Variants in HEPH observed in about 807,000 individuals in gnomAD.
HEPH encodes the protein hephaestin.
HEPH carries 69 observed loss-of-function variants against 80.8 expected under a neutral mutation model. The ratio of observed to expected loss-of-function variants is 0.85; its 90% CI spans 0.70 to 1.04. HEPH has a LOEUF of 1.04. Ranked by LOEUF, HEPH falls within the 50% of genes least tolerant of loss-of-function variation. The pLI is 0.00. For synonymous variants in HEPH, 431 were observed against 322.8 expected (o/e 1.34, Z -3.60); for missense variants, 1,115 against 891.3 (o/e 1.25, Z -3.20).
intron 4 of HEPH, among the ~76,000 whole-genome samples, chrX:66,174,300 A>T (rs2086715054): frequency 9.0e-6 from 1 of 111,633 alleles, no homozygotes; most frequent in African/African-American, 3.3e-5. Context: ...TTAGAATAAT[A>T]GTCTCCAATC....
intron 13 of HEPH, among the ~76,000 whole-genome samples, chrX:66,204,743 GTTAT>G (rs1361211937): frequency 8.9e-6 from 1 of 111,930 alleles, no homozygotes; most frequent in East Asian, 2.8e-4. Flanking sequence ...GTAGAAATCA[GTTAT>G]TTATTTAGTT....
rs2091127733 is a variant in HEPH, at chrX:66,254,983, T to TGA, written c.2564-47_2564-46dup. 7.1e-6 allele frequency: 6 copies of TGA among 847,376 alleles called. No homozygotes were observed. In the Admixed American group the frequency reaches 1.4e-4, roughly 20 times the overall value. The allele number at this position is 847,376 out of a possible 1,213,427, so 69.8% of individuals were successfully genotyped here. ...CTGCCTCTTGGGGAGACCTGGGAGT[T>TGA]GAGAGAAATTTCTGACCCGGTGCAA... On this transcript the variant is annotated intron_variant, in intron 15 of 20. Transcript: ENST00000343002.
intron 20 of HEPH, among the ~76,000 whole-genome samples, chrX:66,264,985 G>A (rs1269230618): frequency 9.2e-6 from 1 of 108,641 alleles, no homozygotes; most frequent in Non-Finnish European, 1.9e-5. Flanking sequence ...TTCTACAATG[G>A]GGAAAAAAGC....
At chrX:66,169,923 T>A (rs1002870417) in intron 1 of HEPH, 1 of 112,091 alleles carries the variant, frequency 8.9e-6, no homozygotes, top group Non-Finnish European at 1.9e-5. Flanking sequence ...TCTATTTTTT[T>A]AAACATTACA....
chrX:66,187,478 T>C (rs1022882852), intron 4 of HEPH, among the ~76,000 whole-genome samples: 3 of 111,586 alleles, frequency 2.7e-5, no homozygotes, highest in Non-Finnish European at 5.6e-5. Flanking sequence ...TTTATGGATG[T>C]GGCTTCCTGT....
chrX:66,169,114 C>A lies in HEPH; in HGVS notation c.-13-1444C>A, dbSNP rs140002391. On this transcript the variant is annotated intron_variant, in intron 1 of 20. Coordinates refer to ENST00000343002, the MANE Select transcript of HEPH (RefSeq NM_001367233.3). Reference sequence around the variant, plus strand: ...CTCTACCGATTTTTATCTAGATGGCCTTGGGCAAACTGCTTTACACCTCTC... The same window carrying A: ...CTCTACCGATTTTTATCTAGATGGCATTGGGCAAACTGCTTTACACCTCTC... Among the ~76,000 whole-genome samples, 22 of 111,206 alleles carry A rather than the reference C, an allele frequency of 2.0e-4. 1 individual carries two copies. The East Asian group carries it at 6.2e-3, about 31-fold the overall frequency.
At chrX:66,265,797 G>T (rs1220196372) in intron 20 of HEPH, among the ~76,000 whole-genome samples, 2 of 111,760 alleles carry the variant, frequency 1.8e-5, no homozygotes. Context: ...TAGTAGATAG[G>T]ACTAGAAGGA....
intron 20 of HEPH, among the ~76,000 whole-genome samples, chrX:66,265,448 A>T (rs1439452189): frequency 9.0e-6 from 1 of 110,734 alleles, no homozygotes; most frequent in East Asian, 2.8e-4. Context: ...AAATTTTACA[A>T]TATGCCTCTG....
At chrX:66,172,888 C>T (rs1000193347) in intron 3 of HEPH, among the ~76,000 whole-genome samples, 2 of 111,992 alleles carry the variant, frequency 1.8e-5, no homozygotes, top group African/African-American at 6.5e-5. Flanking sequence ...AATGGCATCT[C>T]CATAGAATAT....
chrX:66,224,765 A>G (rs2089805882), intron 15 of HEPH, among the ~76,000 whole-genome samples: 1 of 111,107 alleles, frequency 9.0e-6, no homozygotes, highest in African/African-American at 3.3e-5. Context: ...ATAGGTTTTT[A>G]ATTTACCTTG....
chrX:66,242,116 C>T (rs1326189194), intron 15 of HEPH, among the ~76,000 whole-genome samples: 2 of 107,569 alleles, frequency 1.9e-5, no homozygotes, highest in South Asian at 4.0e-4. Context: ...CAACTTTAAA[C>T]TATACTACAA....
chrX:66,229,693 A>G, intron 15 of HEPH, among the ~76,000 whole-genome samples: 1 of 112,274 alleles, frequency 8.9e-6, no homozygotes, highest in Non-Finnish European at 1.9e-5. Flanking sequence ...ATTGTATTAG[A>G]TGGCATAGAT....
At chrX:66,188,970 C>T (rs2087645025) in intron 5 of HEPH, among the ~76,000 whole-genome samples, 1 of 112,402 alleles carries the variant, frequency 8.9e-6, no homozygotes, top group African/African-American at 3.2e-5. Context: ...TTCAAGCTAC[C>T]TTGCTTATAT....
rs918253171 is a variant in HEPH, at chrX:66,258,995, G to C, written c.3036+16G>C. On this transcript the variant is annotated intron_variant, in intron 18 of 20. Coordinates refer to ENST00000343002, the MANE Select transcript of HEPH (RefSeq NM_001367233.3). ...CCTCTATCGGGTGAGCTGGAAAATGGGCTGAGTCCCTCAAGGATGATTAGA... is the reference window on the plus strand; with the variant it reads ...CCTCTATCGGGTGAGCTGGAAAATGCGCTGAGTCCCTCAAGGATGATTAGA... 2 of 1,193,061 alleles carry C rather than the reference G, an allele frequency of 1.7e-6. No homozygotes were observed. The highest frequency in any genetic ancestry group is 2.3e-6 in the Non-Finnish European group (2 of 887,604).
downstream of HEPH, chrX:66,267,792 CA>C (rs1180379536): frequency 1.8e-5 from 2 of 110,746 alleles, no homozygotes; most frequent in Non-Finnish European, 1.9e-5. Context: ...TGGTATTTTA[CA>C]GCAATATTCC....
At chrX:66,200,812 C>G (rs1000110123) in intron 12 of HEPH, 60 bp downstream of exon 12, 3 of 937,518 alleles carry the variant, frequency 3.2e-6, no homozygotes, top group Non-Finnish European at 3.0e-6. Flanking sequence ...GGAATGGGGT[C>G]GGGAAGAGGG....
chrX:66,188,617 G>T (rs1332581027), intron 5 of HEPH, 76 bp downstream of exon 5: 1 of 899,674 alleles, frequency 1.1e-6, no homozygotes, highest in Non-Finnish European at 1.6e-6. Flanking sequence ...GTATTTGGTG[G>T]ATGCTTTCAC....
intron 5 of HEPH, among the ~76,000 whole-genome samples, 154 bp downstream of exon 5, chrX:66,188,695 G>C (rs745598755): frequency 8.9e-6 from 1 of 112,206 alleles, no homozygotes; most frequent in East Asian, 2.8e-4. Flanking sequence ...TTTTACATGT[G>C]AGGACACTGA....
At chrX:66,172,760 T>G (rs2086643953) in intron 3 of HEPH, among the ~76,000 whole-genome samples, 161 bp downstream of exon 3, 1 of 112,224 alleles carries the variant, frequency 8.9e-6, no homozygotes, top group Non-Finnish European at 1.9e-5. Flanking sequence ...GGCACTGGTA[T>G]CAGTTCTGCC....
Sources: allele counts gnomAD v4.1 joint callset (sites outside exome capture counted in the v4.1 genomes callset), GRCh38; gene constraint gnomAD v4.1.1; transcripts MANE v1.5; gene names NCBI Gene and HGNC (gene_info 2026-07-23, HGNC 2026-07-21).